TRIM2: variants seen among roughly 807,000 people sequenced by gnomAD.
The protein encoded by TRIM2 is tripartite motif containing 2, also known as tripartite motif-containing protein 2.
In TRIM2, 20 loss-of-function variants were observed where a neutral mutation model predicts 75.2. The observed-to-expected ratio is 0.27, with a 90% CI of 0.19 to 0.39. The LOEUF is 0.39. TRIM2 is among the 10% of genes least tolerant of loss of function. The pLI is 1.00. For synonymous variants in TRIM2, 373 were observed against 388.3 expected (o/e 0.96, Z 0.46); for missense variants, 660 against 990.8 (o/e 0.67, Z 4.48).
At chr4:153,223,288 C>T (rs1464802060) in intron 1 of TRIM2, among the ~76,000 whole-genome samples, 1 of 152,200 alleles carries the variant, frequency 6.6e-6, no homozygotes, top group Non-Finnish European at 1.5e-5. Context: ...AGTCGCGGAC[C>T]TCTGCCGTCC....
chr4:153,311,006 AGTCCATT>A (rs1766168115), intron 6 of TRIM2, among the ~76,000 whole-genome samples: 1 of 152,216 alleles, frequency 6.6e-6, no homozygotes, highest in African/African-American at 2.4e-5. Context: ...TTTGCAACAC[AGTCCATT>A]GCTCTTGTGA....
At chr4:153,178,230 G>A (rs368517399) in intron 1 of TRIM2, among the ~76,000 whole-genome samples, 38 of 151,934 alleles carry the variant, frequency 2.5e-4, no homozygotes, top group African/African-American at 6.5e-4. Flanking sequence ...AATGCAGCTC[G>A]GTTAGCACAG....
intron 1 of TRIM2, among the ~76,000 whole-genome samples, chr4:153,219,636 G>C (rs2149744788): frequency 6.6e-6 from 1 of 152,326 alleles, no homozygotes; most frequent in East Asian, 1.9e-4. Context: ...AGGAGGCCAA[G>C]ATGGGTGGAT....
chr4:153,315,105 G>C (rs574280898), intron 6 of TRIM2, among the ~76,000 whole-genome samples: 3 of 152,218 alleles, frequency 2.0e-5, no homozygotes, highest in Non-Finnish European at 4.4e-5. Flanking sequence ...CCATGCCCAA[G>C]GCAGCACAGA....
chr4:153,300,492 G>A (rs1763655171), intron 6 of TRIM2, among the ~76,000 whole-genome samples: 1 of 152,060 alleles, frequency 6.6e-6, no homozygotes, highest in Non-Finnish European at 1.5e-5. Context: ...ACACGTATGA[G>A]GTATTATCTC....
chr4:153,172,053 G>A (rs1165547835), intron 1 of TRIM2, among the ~76,000 whole-genome samples: 1 of 151,692 alleles, frequency 6.6e-6, no homozygotes, highest in Admixed American at 6.6e-5. Context: ...TTAGTTTGTG[G>A]AATCAGAATG....
At chr4:153,243,572 T>C (rs1282544854) in intron 1 of TRIM2, among the ~76,000 whole-genome samples, 2 of 152,200 alleles carry the variant, frequency 1.3e-5, no homozygotes, top group Admixed American at 1.3e-4. Flanking sequence ...AGTGGCAACC[T>C]GATAGGCAGC....
chr4:153,202,781 T>A (rs555597464), upstream of TRIM2, among the ~76,000 whole-genome samples: 1 of 150,514 alleles, frequency 6.6e-6, no homozygotes, highest in South Asian at 2.1e-4. Context: ...TCAAAGGGCA[T>A]TGGAAGGTTA....
Position 153,337,108 on chromosome 4 carries a change from A to T in TRIM2, c.*2142A>T. 2.0e-6 allele frequency: 2 copies of T among 985,420 alleles called. No individual in the cohort carries two copies. The highest frequency in any genetic ancestry group is 4.7e-5 in the South Asian group (1 of 21,286). 61.0% of individuals were successfully genotyped at this position (985,420 alleles called of 1,614,324 possible). ...GGGAATTTCATTTTGCCACGTACTAACGTTCTGCACAAAAGACAGGCTAGA... is the reference window on the plus strand; with the variant it reads ...GGGAATTTCATTTTGCCACGTACTATCGTTCTGCACAAAAGACAGGCTAGA... On this transcript the variant is annotated 3_prime_UTR_variant, in exon 12 of 12. Coordinates refer to ENST00000338700, the MANE Select transcript of TRIM2 (RefSeq NM_015271.5).
rs368831464 is a variant in TRIM2, at chr4:153,337,271, G to C, written c.*2305G>C. 9.2e-5 allele frequency: 91 copies of C among 985,666 alleles called. No homozygotes were observed. The African/African-American group carries it at 1.2e-3, about 13-fold the overall frequency. 61.1% of individuals were successfully genotyped at this position (985,666 alleles called of 1,614,324 possible). A position where few individuals can be genotyped will look rare whatever the true frequency, so the allele number is the denominator to read the frequency against. On this transcript the variant is annotated 3_prime_UTR_variant, in exon 12 of 12. Coordinates refer to ENST00000338700, the MANE Select transcript of TRIM2 (RefSeq NM_015271.5). ...ATCTTAAAACTAGTTGATTTAAAGA[G>C]TTTTTTTGCACAACATTTCAATTAT...
Position 153,244,732 on chromosome 4 carries a change from A to T in TRIM2, c.31-25603A>T, listed in dbSNP as rs575068874. On this transcript the variant is annotated intron_variant, in intron 1 of 11. Coordinates refer to ENST00000338700, the MANE Select transcript of TRIM2 (RefSeq NM_015271.5). Reference sequence around the variant, plus strand: ...GAATTTCTGGCCTGCAAATAATTGGATATGAACTAGAGAATAAATATCTTC... The same window carrying T: ...GAATTTCTGGCCTGCAAATAATTGGTTATGAACTAGAGAATAAATATCTTC... Among the ~76,000 whole-genome samples the T allele has an allele frequency of 7.9e-5, 12 of 152,292 alleles. 1 individual carries two copies. The East Asian group carries it at 2.3e-3, about 29-fold the overall frequency.
upstream of TRIM2, among the ~76,000 whole-genome samples, chr4:153,201,412 G>A (rs1208687005): frequency 2.1e-4 from 32 of 152,078 alleles, no homozygotes; most frequent in Admixed American, 4.6e-4. Flanking sequence ...TTTTATTGTT[G>A]AATTGCAGGA....
intron 1 of TRIM2, among the ~76,000 whole-genome samples, chr4:153,173,793 C>T (rs1731123591): frequency 1.3e-5 from 2 of 151,848 alleles, no homozygotes; most frequent in South Asian, 2.1e-4. Context: ...ATGGAAAAAC[C>T]CCATCACTAC....
intron 3 of TRIM2, among the ~76,000 whole-genome samples, chr4:153,276,848 TA>T (rs370676039): frequency 1.1e-3 from 165 of 152,124 alleles, no homozygotes; most frequent in African/African-American, 3.7e-3. Flanking sequence ...CTTTATCAGT[TA>T]AAAAAAAGTA....
chr4:153,154,100 C>T (rs1212074539), intron 1 of TRIM2, among the ~76,000 whole-genome samples: 1 of 152,142 alleles, frequency 6.6e-6, no homozygotes, highest in Non-Finnish European at 1.5e-5. Flanking sequence ...GTGTCTCTGT[C>T]GTTTACACAT....
chr4:153,209,509 T>C (rs892480460), intron 1 of TRIM2, among the ~76,000 whole-genome samples: 17 of 152,188 alleles, frequency 1.1e-4, no homozygotes, highest in Admixed American at 6.5e-5. Flanking sequence ...TTTCCTGATA[T>C]ATAGGTCTTT....
At chr4:153,311,550 A>G (rs866418819) in intron 6 of TRIM2, among the ~76,000 whole-genome samples, 6 of 151,902 alleles carry the variant, frequency 3.9e-5, no homozygotes, top group Non-Finnish European at 7.4e-5. Context: ...CCTGTTTTTC[A>G]GTATTTCTTT....
upstream of TRIM2, among the ~76,000 whole-genome samples, chr4:153,203,629 C>A (rs545029065): frequency 1.6e-4 from 25 of 151,736 alleles, no homozygotes; most frequent in Admixed American, 7.2e-4. Flanking sequence ...CAGTGGCACA[C>A]TCCTGTAATC....
intron 3 of TRIM2, among the ~76,000 whole-genome samples, chr4:153,280,849 T>A (rs1232756081): frequency 6.6e-6 from 1 of 152,124 alleles, no homozygotes; most frequent in East Asian, 1.9e-4. Context: ...CAAACTTGGC[T>A]AATTTTTTGT....
Sources: allele counts gnomAD v4.1 joint callset (sites outside exome capture counted in the v4.1 genomes callset), GRCh38; gene constraint gnomAD v4.1.1; transcripts MANE v1.5; gene names NCBI Gene and HGNC (gene_info 2026-07-23, HGNC 2026-07-21).